ADAMTS17: variants seen among roughly 807,000 people sequenced by gnomAD.
ADAMTS17 encodes the protein A disintegrin and metalloproteinase with thrombospondin motifs 17.
A neutral mutation model predicts 141.5 loss-of-function variants in ADAMTS17; 113 were observed. That is an observed-to-expected ratio of 0.80 (90% CI 0.69 to 0.93). ADAMTS17 has a LOEUF of 0.93. Ranked by LOEUF, ADAMTS17 falls within the 40% of genes least tolerant of loss-of-function variation. The pLI is 0.00. For missense variants in ADAMTS17, 1,659 were observed against 1,517.9 expected, an observed-to-expected ratio of 1.09 and a Z score of -1.54; for synonymous variants, 768 against 630.6, an observed-to-expected ratio of 1.22 and a Z score of -3.27.
chr15:100,065,925 T>C (rs762014367), intron 15 of ADAMTS17, among the ~76,000 whole-genome samples: 18 of 152,218 alleles, frequency 1.2e-4, no homozygotes, highest in Non-Finnish European at 1.6e-4. Flanking sequence ...CCTCTCTGTA[T>C]CCATGAATTC....
intron 15 of ADAMTS17, chr15:100,073,968 C>T (rs1283897503): frequency 1.3e-5 from 2 of 152,044 alleles, no homozygotes; most frequent in African/African-American, 4.8e-5. Context: ...CTTCCTGAAT[C>T]CTTTTATAAT....
intron 12 of ADAMTS17, among the ~76,000 whole-genome samples, chr15:100,131,056 T>C (rs1399834403): frequency 2.6e-5 from 4 of 152,184 alleles, no homozygotes; most frequent in Non-Finnish European, 5.9e-5. Context: ...GATGGGTTCA[T>C]GTCCTTTGCA....
At chr15:100,260,169 G>T (rs116516923) in intron 6 of ADAMTS17, among the ~76,000 whole-genome samples, 1 of 152,128 alleles carries the variant, frequency 6.6e-6, no homozygotes, top group African/African-American at 2.4e-5. Context: ...TGAAAGGAAC[G>T]AAAGCTGCAC....
chr15:100,241,735 T>C (rs1055544114), intron 7 of ADAMTS17, among the ~76,000 whole-genome samples: 5 of 152,170 alleles, frequency 3.3e-5, no homozygotes, highest in Non-Finnish European at 7.4e-5. Flanking sequence ...CACCTAACCA[T>C]GACTCAGCCT....
In ADAMTS17 at chr15:100,139,860, G is replaced by A. The variant is rs576515066; in HGVS notation, c.1474-6545C>T. On this transcript the variant is annotated intron_variant, in intron 10 of 21. Coordinates refer to ENST00000268070, the MANE Select transcript of ADAMTS17 (RefSeq NM_139057.4). ...GACATGACAACTAAACGTGAAATAGGATCCTGGTATACAGAAAGGACATTG... is the reference window on the plus strand; with the variant it reads ...GACATGACAACTAAACGTGAAATAGAATCCTGGTATACAGAAAGGACATTG... 8.5e-4 allele frequency among the ~76,000 whole-genome samples: 130 copies of A among 152,304 alleles called. 1 individual carries two copies. The Middle Eastern group carries it at 0.014, about 16-fold the overall frequency.
chr15:100,160,996 T>C (rs1358855658), intron 8 of ADAMTS17, among the ~76,000 whole-genome samples: 1 of 152,244 alleles, frequency 6.6e-6, no homozygotes, highest in Non-Finnish European at 1.5e-5. Context: ...CAACATTATA[T>C]TTAACGAAAA....
At chr15:100,155,394 A>G in intron 8 of ADAMTS17, 74 bp from the exon 9 acceptor site, 1 of 1,563,946 alleles carries the variant, frequency 6.4e-7, no homozygotes, top group Non-Finnish European at 8.7e-7. Flanking sequence ...CTAGCGGACC[A>G]TGCTAAGGTA....
intron 10 of ADAMTS17, among the ~76,000 whole-genome samples, chr15:100,133,599 C>T (rs1469698763): frequency 6.6e-6 from 1 of 152,164 alleles, no homozygotes; most frequent in Non-Finnish European, 1.5e-5. Flanking sequence ...ATCAGAGGCA[C>T]AGCCCTGGCC....
intron 12 of ADAMTS17, among the ~76,000 whole-genome samples, chr15:100,123,645 T>A (rs2037568149): frequency 6.6e-6 from 1 of 152,244 alleles, no homozygotes; most frequent in South Asian, 2.1e-4. Context: ...TGCTGGCCCT[T>A]CTAACCATTA....
chr15:100,019,432 A>T (rs905665481), intron 18 of ADAMTS17, among the ~76,000 whole-genome samples: 1 of 152,234 alleles, frequency 6.6e-6, no homozygotes, highest in Non-Finnish European at 1.5e-5. Context: ...CGTGTTTATT[A>T]GTTAATCTCG....
intron 18 of ADAMTS17, among the ~76,000 whole-genome samples, chr15:100,043,373 T>TG (rs754312004): frequency 5.3e-4 from 80 of 152,188 alleles, no homozygotes; most frequent in Non-Finnish European, 8.2e-4. Context: ...AGAGAAGTGG[T>TG]GGGGAGGCAG....
At chr15:100,040,724 T>C (rs906793796) in intron 18 of ADAMTS17, among the ~76,000 whole-genome samples, 3 of 152,028 alleles carry the variant, frequency 2.0e-5, no homozygotes, top group African/African-American at 7.3e-5. Context: ...GTCCTCCATC[T>C]TGAATGTTTC....
chr15:100,222,254 C>T lies in ADAMTS17; in HGVS notation c.1076-22831G>A, dbSNP rs1010864962. ...TGCCAGGTAAGCACCGAGGAGGTGC[C>T]GCTTCATGCAGACAGTTCTCTGCCT... On this transcript the variant is annotated intron_variant, in intron 7 of 21. Transcript: ENST00000268070. 7.2e-5 allele frequency among the ~76,000 whole-genome samples: 11 copies of T among 152,258 alleles called. No individual in the cohort carries two copies. The South Asian group carries it at 1.4e-3, about 20-fold the overall frequency.
At position 100,242,961 on chromosome 15, in the gene ADAMTS17, C is replaced by A. The variant is rs144946438; in HGVS notation, c.1075+11175G>T. Reference sequence around the variant, plus strand: ...CATCTTCCTCAACTAAAAAACTCTGCCCATTAAACACAAATTCCCCATGAC... The same window carrying A: ...CATCTTCCTCAACTAAAAAACTCTGACCATTAAACACAAATTCCCCATGAC... On this transcript the variant is annotated intron_variant, in intron 7 of 21. Transcript: ENST00000268070. 6.6e-3 allele frequency among the ~76,000 whole-genome samples: 1,000 copies of A among 152,312 alleles called. 8 individuals carry two copies. Among genetic ancestry groups the A allele is most frequent in the African/African-American group, 0.022 (916 of 41,568 alleles).
chr15:100,146,028 C>T (rs2038886307), intron 10 of ADAMTS17, among the ~76,000 whole-genome samples: 1 of 152,124 alleles, frequency 6.6e-6, no homozygotes, highest in Admixed American at 6.5e-5. Flanking sequence ...CAAAAATTAG[C>T]TGGGTGTGGT....
At position 99,997,283 on chromosome 15, in the gene ADAMTS17, T is replaced by TG; in HGVS notation, c.2796+101dup. ...GCTATAACACAACTTCAAGCTGACC[T>TG]GGGGGCGAGCGAGGGCTGGGAGGCA... On this transcript the variant is annotated intron_variant, in intron 19 of 21. Transcript: ENST00000268070. This position sits in a 1 kb window ranked among gnomAD's most constrained non-coding sequence, Gnocchi z 4.7. 1 of 1,335,376 alleles carries TG rather than the reference T, an allele frequency of 7.5e-7. No homozygotes were observed. Among genetic ancestry groups the TG allele is most frequent in the Non-Finnish European group, 1.1e-6 (1 of 935,392 alleles). 82.7% of individuals were successfully genotyped at this position (1,335,376 alleles called of 1,614,324 possible). A position where few individuals can be genotyped will look rare whatever the true frequency, so the allele number is the denominator to read the frequency against.
chr15:100,303,286 C>G (rs2141825434), intron 3 of ADAMTS17, among the ~76,000 whole-genome samples: 1 of 149,862 alleles, frequency 6.7e-6, no homozygotes, highest in South Asian at 2.1e-4. Context: ...TGTTCAAGTC[C>G]TTTATCCATT....
chr15:100,214,354 A>G (rs2041904354), intron 7 of ADAMTS17, among the ~76,000 whole-genome samples: 1 of 152,252 alleles, frequency 6.6e-6, no homozygotes, highest in African/African-American at 2.4e-5. Flanking sequence ...AAGGGACAAA[A>G]GAAATGTAAA....
chr15:100,015,882 C>T (rs2061279281), intron 18 of ADAMTS17, among the ~76,000 whole-genome samples: 1 of 152,174 alleles, frequency 6.6e-6, no homozygotes, highest in African/African-American at 2.4e-5. Context: ...CCCACGTGTT[C>T]CTTGTGCTTC....
Sources: gnomAD v4.1 joint callset for allele counts (sites outside exome capture counted in the v4.1 genomes callset) on GRCh38, gnomAD v4.1.1 for gene constraint, Gnocchi (gnomAD v3.1) non-coding constraint, MANE v1.5 for transcripts, NCBI Gene and HGNC (gene_info 2026-07-23, HGNC 2026-07-21) for gene names.